The following SCNN1B variants were observed in gnomAD, a reference collection of about 807,000 sequenced individuals.
SCNN1B encodes epithelial sodium channel subunit beta.
A neutral mutation model predicts 65.3 loss-of-function variants in SCNN1B; 46 were observed. The ratio of observed to expected loss-of-function variants is 0.70; its 90% CI spans 0.56 to 0.90. SCNN1B has a LOEUF of 0.90. SCNN1B is among the 40% of genes least tolerant of loss of function. The pLI is 0.00. For synonymous variants in SCNN1B, 349 were observed against 330.6 expected (o/e 1.06, Z -0.60); for missense variants, 751 against 830.5 (o/e 0.90, Z 1.18).
chr16:23,378,631 C>T (rs1258310796), intron 10 of SCNN1B, 75 bp from the exon 11 acceptor site: 9 of 1,383,562 alleles, frequency 6.5e-6, no homozygotes, highest in African/African-American at 1.4e-5. Context: ...TGGTCTACCT[C>T]CCCCAGGGAA....
chr16:23,322,106 C>A (rs184425241), intron 1 of SCNN1B, among the ~76,000 whole-genome samples: 8 of 152,118 alleles, frequency 5.3e-5, no homozygotes, highest in Non-Finnish European at 8.8e-5. Flanking sequence ...TCCCTTGGAG[C>A]CTTCCAGATA....
At chr16:23,372,053 T>A in intron 7 of SCNN1B, 170 bp downstream of exon 7, 1 of 682,652 alleles carries the variant, frequency 1.5e-6, no homozygotes. Flanking sequence ...CTGGGCTCTC[T>A]CACCAGGGCC....
At chr16:23,301,448 G>GAAAGA (rs982020406), upstream of SCNN1B, among the ~76,000 whole-genome samples, 1 of 151,676 alleles carries the variant, frequency 6.6e-6, no homozygotes, top group African/African-American at 2.4e-5. Flanking sequence ...GAAAGAGAAA[G>GAAAGA]AAAGAAAAGA....
chr16:23,377,094 G>A (rs250570), intron 8 of SCNN1B, 71 bp from the exon 9 acceptor site: 24 of 1,382,038 alleles, frequency 1.7e-5, no homozygotes, highest in Admixed American at 7.7e-5. Flanking sequence ...CCAGCCAGAG[G>A]CTCAGCAGGG....
At chr16:23,353,782 T>G (rs73544431) in intron 3 of SCNN1B, among the ~76,000 whole-genome samples, 14,243 of 152,312 alleles carry the variant, frequency 0.094, 720 homozygotes, top group Middle Eastern at 0.16. Flanking sequence ...TACAGTCACA[T>G]GCCAAGAAAC....
intron 1 of SCNN1B, among the ~76,000 whole-genome samples, chr16:23,318,421 C>T (rs143876125): frequency 0.01 from 1,559 of 152,170 alleles, 38 homozygotes; most frequent in African/African-American, 0.035. Flanking sequence ...CCAGCCTGGC[C>T]AACATAGTGA....
intron 4 of SCNN1B, among the ~76,000 whole-genome samples, chr16:23,363,340 AACCATCCCAAAGCTC>A (rs1186776784): frequency 6.6e-6 from 1 of 152,174 alleles, no homozygotes; most frequent in African/African-American, 2.4e-5. Context: ...GACGTGATGT[AACCATCCCAAAGCTC>A]ACCAGCTGCT....
chr16:23,355,536 A>T, intron 4 of SCNN1B, 47 bp downstream of exon 4: 1 of 1,592,348 alleles, frequency 6.3e-7, no homozygotes. Context: ...GCACCGAGAG[A>T]CAGTGGCATG....
chr16:23,361,160 C>A (rs1300238475), intron 4 of SCNN1B, among the ~76,000 whole-genome samples: 1 of 152,136 alleles, frequency 6.6e-6, no homozygotes, highest in Non-Finnish European at 1.5e-5. Context: ...AAACTTCTGA[C>A]CTCAGGTTAT....
intron 1 of SCNN1B, among the ~76,000 whole-genome samples, chr16:23,338,347 C>A (rs7204560): frequency 6.6e-6 from 1 of 152,136 alleles, no homozygotes; most frequent in African/African-American, 2.4e-5. Context: ...GTGGCTGTTA[C>A]ACCTGGCCAG....
intron 1 of SCNN1B, among the ~76,000 whole-genome samples, chr16:23,330,308 G>C (rs1368988106): frequency 3.9e-5 from 6 of 152,334 alleles, no homozygotes; most frequent in Non-Finnish European, 5.9e-5. Context: ...TTGATGGTTA[G>C]GAAGAAAAGC....
intron 8 of SCNN1B, among the ~76,000 whole-genome samples, chr16:23,376,852 G>A (rs1962908875): frequency 6.6e-6 from 1 of 151,864 alleles, no homozygotes; most frequent in African/African-American, 2.4e-5. Context: ...CAAACTAAAT[G>A]GGAAAACGTT....
At chr16:23,367,827 T>C in intron 4 of SCNN1B, 29 bp from the exon 5 acceptor site, 1 of 1,561,140 alleles carries the variant, frequency 6.4e-7, no homozygotes, top group Non-Finnish European at 8.8e-7. Flanking sequence ...TGGTGGAACC[T>C]GCCCTGCAGC....
intron 1 of SCNN1B, among the ~76,000 whole-genome samples, chr16:23,328,177 T>C (rs946376444): frequency 6.6e-6 from 1 of 152,244 alleles, no homozygotes; most frequent in Admixed American, 6.5e-5. Context: ...CAGAGTGGCA[T>C]GTGCAGATGG....
chr16:23,279,930 A>G (rs7203093), intron 1 of SCNN1B, among the ~76,000 whole-genome samples: 25,009 of 152,150 alleles, frequency 0.16, 2,861 homozygotes, highest in African/African-American at 0.31. Context: ...TGTCATGCCT[A>G]CTAGCACTGT....
In SCNN1B at chr16:23,380,457, G is replaced by A. The variant is rs770064857; in HGVS notation, c.1579G>A (p.Gly527Ser). 2 of 1,614,242 alleles carry A rather than the reference G, an allele frequency of 1.2e-6. No individual in the cohort carries two copies. Among genetic ancestry groups the A allele is most frequent in the South Asian group, 1.1e-5 (1 of 91,088 alleles). The change falls in exon 13 of 13, where the codon GGC (glycine) becomes AGC (serine). Residue 527 changes from glycine (G) to serine (S), a missense_variant. Coordinates refer to ENST00000343070, the MANE Select transcript of SCNN1B (RefSeq NM_000336.3). The surrounding 1 kb of genome is among the most constrained non-coding windows in gnomAD (Gnocchi z 5.4). ...WLLSNLGGQF[G>S]FWMGGSVLCL... is the part of the protein sequence containing the mutation. ...GCTCTCGAATCTGGGTGGCCAGTTT[G>A]GCTTCTGGATGGGGGGCTCTGTGCT...
In SCNN1B at chr16:23,353,035, G is replaced by T; in HGVS notation, c.546G>T (p.Lys182Asn). 6.2e-7 allele frequency: 1 copy of T among 1,614,174 alleles called. No homozygotes were observed. The highest frequency in any genetic ancestry group is 8.5e-7 in the Non-Finnish European group (1 of 1,180,042). Residue 182 changes from lysine to asparagine, a missense_variant, in exon 3 of 13, where the codon AAG becomes AAT. Lys to Asn is a moderately conservative substitution (Grantham distance 94, BLOSUM62 0). Transcript: ENST00000343070. Reference protein sequence around the residue: ...NGLTSSSASEKICNAHGCKMA... With the variant: ...NGLTSSSASENICNAHGCKMA... ...TAACAAGCAGCTCAGCATCAGAAAA[G>T]ATCTGTAATGCCCACGGGTGCAAAA...
chr16:23,327,578 G>A (rs1207011817), intron 1 of SCNN1B, among the ~76,000 whole-genome samples: 1 of 152,026 alleles, frequency 6.6e-6, no homozygotes, highest in East Asian at 1.9e-4. Flanking sequence ...TTTTCTTAAT[G>A]GCTCCCCAAT....
upstream of SCNN1B, among the ~76,000 whole-genome samples, chr16:23,301,594 C>T (rs1334070451): frequency 6.6e-6 from 1 of 152,020 alleles, no homozygotes; most frequent in Non-Finnish European, 1.5e-5. Flanking sequence ...GTCCTGAAAC[C>T]TTGACTTGAT....
Sources: allele counts gnomAD v4.1 joint callset (sites outside exome capture counted in the v4.1 genomes callset), GRCh38; gene constraint gnomAD v4.1.1; non-coding constraint Gnocchi (gnomAD v3.1); transcripts MANE v1.5; gene names NCBI Gene and HGNC (gene_info 2026-07-23, HGNC 2026-07-21).